SEMA3E: variants seen among roughly 807,000 people sequenced by gnomAD.
SEMA3E encodes semaphorin-3E.
Under a neutral mutation model 93.6 loss-of-function variants are expected in SEMA3E, and 49 were observed. The ratio of observed to expected loss-of-function variants is 0.52; its 90% CI spans 0.42 to 0.66. SEMA3E has a LOEUF of 0.66. Ranked by LOEUF, SEMA3E falls within the 30% of genes least tolerant of loss-of-function variation. SEMA3E has a pLI of 0.00. For missense variants in SEMA3E, 906 were observed against 964.8 expected, an observed-to-expected ratio of 0.94 and a Z score of 0.81; for synonymous variants, 363 against 330.7, an observed-to-expected ratio of 1.10 and a Z score of -1.06.
chr7:83,418,533 C>A, intron 4 of SEMA3E, 50 bp from the exon 5 acceptor site: 1 of 1,220,738 alleles, frequency 8.2e-7, no homozygotes, highest in Non-Finnish European at 1.2e-6. Context: ...CTCTAATAAT[C>A]ATTTAATTCC....
chr7:83,423,323 G>C (rs1025491777), intron 4 of SEMA3E, among the ~76,000 whole-genome samples: 30 of 152,118 alleles, frequency 2.0e-4, no homozygotes, highest in African/African-American at 6.3e-4. Context: ...GTATGTCTAA[G>C]GTCAAAACTC....
At chr7:83,423,760 C>T (rs1296661655) in intron 4 of SEMA3E, among the ~76,000 whole-genome samples, 2 of 151,932 alleles carry the variant, frequency 1.3e-5, no homozygotes, top group Non-Finnish European at 2.9e-5. Flanking sequence ...ATCCCCCTGC[C>T]TTGGCCTCCC....
In SEMA3E at chr7:83,498,868, C is replaced by CCCT. The variant is rs1476657923; in HGVS notation, c.116-8597_116-8595dup. ...ATAAACTTCCTTCCATCTGGACTTT[C>CCCT]CCTCTATTTAGTTCTTACTTCTTTG... On this transcript the variant is annotated intron_variant, in intron 1 of 16. Transcript: ENST00000643230. 5.3e-5 allele frequency among the ~76,000 whole-genome samples: 8 copies of CCCT among 152,080 alleles called. 1 individual carries two copies. The highest frequency in any genetic ancestry group is 5.2e-4 in the Admixed American group (8 of 15,262).
At chr7:83,538,292 AT>A (rs1791446943) in intron 1 of SEMA3E, among the ~76,000 whole-genome samples, 1 of 152,140 alleles carries the variant, frequency 6.6e-6, no homozygotes, top group South Asian at 2.1e-4. Context: ...CAGCTGCATC[AT>A]TTTACATTCC....
chr7:83,571,383 G>A (rs1405224454), intron 1 of SEMA3E, among the ~76,000 whole-genome samples: 1 of 152,188 alleles, frequency 6.6e-6, no homozygotes, highest in Admixed American at 6.5e-5. Context: ...TAATGATCAA[G>A]TAGGCTTTAT....
At chr7:83,599,934 G>C (rs528851615) in intron 1 of SEMA3E, among the ~76,000 whole-genome samples, 1 of 152,094 alleles carries the variant, frequency 6.6e-6, no homozygotes, top group South Asian at 2.1e-4. Context: ...TTTTTGAATG[G>C]GCCTTTTCTA....
At chr7:83,386,387 T>C (rs1233961294) in intron 15 of SEMA3E, among the ~76,000 whole-genome samples, 2 of 152,094 alleles carry the variant, frequency 1.3e-5, no homozygotes, top group Non-Finnish European at 2.9e-5. Flanking sequence ...ACTACCATAA[T>C]AGAAAGAGTC....
At position 83,390,080 on chromosome 7, in the gene SEMA3E, T is replaced by C. The variant is rs529252520; in HGVS notation, c.1667+2475A>G. 4.3e-4 allele frequency among the ~76,000 whole-genome samples: 42 copies of C among 97,074 alleles called. 1 individual carries two copies. The highest frequency in any genetic ancestry group is 6.2e-4 in the Non-Finnish European group (29 of 46,718). 63.7% of individuals were successfully genotyped at this position (97,074 alleles called of 152,430 possible). A position where few individuals can be genotyped will look rare whatever the true frequency, so the allele number is the denominator to read the frequency against. ...GTGTGCACATATATGCGCGTATACG[T>C]GTGCACATATATGCGCGTATACGTG... On this transcript the variant is annotated intron_variant, in intron 14 of 16. Coordinates refer to ENST00000643230, the MANE Select transcript of SEMA3E (RefSeq NM_012431.3).
At chr7:83,505,017 A>G (rs1438382515) in intron 1 of SEMA3E, among the ~76,000 whole-genome samples, 1 of 152,178 alleles carries the variant, frequency 6.6e-6, no homozygotes, top group African/African-American at 2.4e-5. Flanking sequence ...TACAAGTTAC[A>G]ATAACAAAAG....
At chr7:83,608,843 G>A (rs577627712) in intron 1 of SEMA3E, among the ~76,000 whole-genome samples, 5 of 152,038 alleles carry the variant, frequency 3.3e-5, no homozygotes, top group Non-Finnish European at 5.9e-5. Context: ...TAAAACACTC[G>A]AAGTTGGTAA....
rs138433522 is a variant in SEMA3E, at chr7:83,365,839, T to G, written c.*1747A>C. 225 of 152,308 alleles carry G rather than the reference T, an allele frequency of 1.5e-3. No individual in the cohort carries two copies. Among genetic ancestry groups the G allele is most frequent in the African/African-American group, 5.3e-3 (220 of 41,582 alleles). 9.4% of individuals were successfully genotyped at this position (152,308 alleles called of 1,614,324 possible). On this transcript the variant is annotated 3_prime_UTR_variant, in exon 17 of 17. Coordinates refer to ENST00000643230, the MANE Select transcript of SEMA3E (RefSeq NM_012431.3). ...CTTTGTAAGGCCCCTGTGATCTGTG[T>G]TTGTGGTTCTATTTCTCCAAATTGA...
At chr7:83,444,329 A>G (rs1258522310) in intron 4 of SEMA3E, among the ~76,000 whole-genome samples, 2 of 152,192 alleles carry the variant, frequency 1.3e-5, no homozygotes, top group Non-Finnish European at 2.9e-5. Flanking sequence ...TAGAGTCATG[A>G]AGGAAGCATA....
intron 4 of SEMA3E, among the ~76,000 whole-genome samples, chr7:83,445,983 T>C (rs1789220435): frequency 6.6e-6 from 1 of 152,194 alleles, no homozygotes; most frequent in Non-Finnish European, 1.5e-5. Flanking sequence ...TGTGTACACT[T>C]ACTACATTCC....
chr7:83,392,666 C>G lies in SEMA3E; in HGVS notation c.1556G>C (p.Cys519Ser). 6.2e-7 allele frequency: 1 copy of G among 1,613,828 alleles called. No homozygotes were observed. The highest frequency in any genetic ancestry group is 8.5e-7 in the Non-Finnish European group (1 of 1,179,884). The change falls in exon 14 of 17, where the codon TGT (cysteine) becomes TCT (serine). Residue 519 changes from cysteine to serine, a missense_variant. Physicochemically the swap from Cys to Ser is moderately radical, Grantham distance 112. Coordinates refer to ENST00000643230, the MANE Select transcript of SEMA3E (RefSeq NM_012431.3). ...SAVAQVRFHH[C>S]DMYGSACADC... ...AGCACAAGCACTTCCATACATGTCA[C>G]AGTGATGGAATCTGACTTGAGCCAC...
At chr7:83,565,617 C>T (rs1172580035) in intron 1 of SEMA3E, among the ~76,000 whole-genome samples, 1 of 152,142 alleles carries the variant, frequency 6.6e-6, no homozygotes, top group Non-Finnish European at 1.5e-5. Context: ...GATCTTTTAT[C>T]AATTTGTAGA....
Position 83,402,747 on chromosome 7 carries a change from A to G in SEMA3E, c.1028T>C (p.Val343Ala). Residue 343 changes from valine to alanine, a missense_variant, in exon 10 of 17, where the codon GTC (valine) becomes GCC (alanine). Val to Ala is a moderately conservative substitution (Grantham distance 64, BLOSUM62 0). Transcript: ENST00000643230. Reference protein sequence around the residue: ...SNIFRGHAICVYHMSSIRAAF... With the variant: ...SNIFRGHAICAYHMSSIRAAF... ...TGCCCGAATGCTAGACATGTGATAG[A>G]CACATATAGCATGCCCTCGAAAAAT... The G allele has an allele frequency of 6.2e-7, 1 of 1,612,858 alleles. No individual in the cohort carries two copies. The highest frequency in any genetic ancestry group is 2.2e-5 in the East Asian group (1 of 44,782).
chr7:83,390,746 C>T (rs1047891383), intron 14 of SEMA3E, among the ~76,000 whole-genome samples: 15 of 152,156 alleles, frequency 9.9e-5, no homozygotes, highest in Admixed American at 1.3e-4. Context: ...CTGAACTGAA[C>T]TAATTCATTT....
At position 83,400,155 on chromosome 7, in the gene SEMA3E, C is replaced by T. The variant is rs776317078; in HGVS notation, c.1239G>A (p.Gln413=). 7.4e-6 allele frequency: 12 copies of T among 1,613,800 alleles called. No individual in the cohort carries two copies. Among genetic ancestry groups the T allele is most frequent in the African/African-American group, 1.3e-5 (1 of 74,868 alleles). ...GTTTTTTATGGGCAGGTTTTATGGCCTGGTACATTAGTGGATGACTTCTTG... is the reference window on the plus strand; with the variant it reads ...GTTTTTTATGGGCAGGTTTTATGGCTTGGTACATTAGTGGATGACTTCTTG... ...RFARSHPLMY[Q]AIKPAHKKPI... Residue 413 remains glutamine (Q), a synonymous_variant, in exon 11 of 17, where the codon CAG becomes CAA. Transcript: ENST00000643230.
chr7:83,460,740 C>T (rs955004846), intron 4 of SEMA3E, among the ~76,000 whole-genome samples: 9 of 151,172 alleles, frequency 6.0e-5, no homozygotes, highest in East Asian at 4.0e-4. Context: ...CTCTGTGCCC[C>T]GGCCCCTTAT....
Sources: gnomAD v4.1 joint callset for allele counts (sites outside exome capture counted in the v4.1 genomes callset) on GRCh38, gnomAD v4.1.1 for gene constraint, MANE v1.5 for transcripts, NCBI Gene and HGNC (gene_info 2026-07-23, HGNC 2026-07-21) for gene names.